The following PDE4D variants were observed in gnomAD, a reference collection of about 807,000 sequenced individuals.
PDE4D encodes 3',5'-cyclic-AMP phosphodiesterase 4D.
In PDE4D, 24 loss-of-function variants were observed where a neutral mutation model predicts 87.4. The ratio of observed to expected loss-of-function variants is 0.27; its 90% CI spans 0.20 to 0.39. The LOEUF is 0.39. Ranked by LOEUF, PDE4D falls within the 10% of genes least tolerant of loss-of-function variation. The pLI, the probability that PDE4D is intolerant of heterozygous loss-of-function variation, is 1.00. For missense variants in PDE4D, 714 were observed against 1,041.0 expected (o/e 0.69, Z 4.32); for synonymous variants, 384 against 383.2 (o/e 1.00, Z -0.02).
chr5:60,131,539 T>G (rs1350266344), intron 2 of PDE4D, among the ~76,000 whole-genome samples: 1 of 152,218 alleles, frequency 6.6e-6, no homozygotes, highest in Non-Finnish European at 1.5e-5. Context: ...ATTTCTCTTA[T>G]AATCCTGCTC....
At chr5:59,498,101 T>C (rs1405092906) in intron 1 of PDE4D, among the ~76,000 whole-genome samples, 1 of 151,640 alleles carries the variant, frequency 6.6e-6, no homozygotes, top group Non-Finnish European at 1.5e-5. Context: ...GAGAAATAAA[T>C]TCTTTCTCAG....
intron 1 of PDE4D, among the ~76,000 whole-genome samples, chr5:59,594,261 T>A (rs746416631): frequency 6.6e-6 from 1 of 151,860 alleles, no homozygotes; most frequent in Non-Finnish European, 1.5e-5. Flanking sequence ...CCACTGCCCC[T>A]TACCACACCA....
At chr5:60,230,228 A>T (rs1179401951) in intron 1 of PDE4D, among the ~76,000 whole-genome samples, 1 of 152,148 alleles carries the variant, frequency 6.6e-6, no homozygotes, top group Non-Finnish European at 1.5e-5. Context: ...TGAATCTAGA[A>T]ACTCTTTAAA....
At chr5:59,502,209 G>A (rs901953365) in intron 1 of PDE4D, among the ~76,000 whole-genome samples, 2 of 151,996 alleles carry the variant, frequency 1.3e-5, no homozygotes, top group African/African-American at 4.8e-5. Context: ...TAACTAATAG[G>A]TAGATTAAAC....
intron 1 of PDE4D, among the ~76,000 whole-genome samples, chr5:59,597,523 G>A (rs149209457): frequency 5.3e-5 from 8 of 152,034 alleles, no homozygotes; most frequent in African/African-American, 1.9e-4. Context: ...GTGAGAGAGA[G>A]AGAAAGAGAG....
intron 3 of PDE4D, among the ~76,000 whole-genome samples, chr5:59,952,960 T>C (rs989980348): frequency 1.3e-5 from 2 of 152,174 alleles, no homozygotes; most frequent in Non-Finnish European, 2.9e-5. Context: ...TAAAATATTA[T>C]TGTTTTAAGC....
At chr5:60,263,936 A>T (rs950135134) in intron 1 of PDE4D, among the ~76,000 whole-genome samples, 24 of 152,068 alleles carry the variant, frequency 1.6e-4, no homozygotes, top group Admixed American at 1.2e-3. Context: ...TACATGTGAA[A>T]AAATAATAAA....
intron 1 of PDE4D, among the ~76,000 whole-genome samples, chr5:60,373,009 C>T (rs1761158901): frequency 6.6e-6 from 1 of 152,190 alleles, no homozygotes; most frequent in Non-Finnish European, 1.5e-5. Flanking sequence ...CATTGACTAG[C>T]TCAATTATTA....
At chr5:60,245,801 G>A (rs1747691917) in intron 1 of PDE4D, among the ~76,000 whole-genome samples, 1 of 144,628 alleles carries the variant, frequency 6.9e-6, no homozygotes, top group South Asian at 2.1e-4. Flanking sequence ...AGGAGGGAGG[G>A]AAGTGGGGAT....
intron 1 of PDE4D, among the ~76,000 whole-genome samples, chr5:59,715,986 T>A (rs1360527153): frequency 6.6e-6 from 1 of 152,172 alleles, no homozygotes; most frequent in African/African-American, 2.4e-5. Flanking sequence ...CAGACCTGTG[T>A]GTCCAGGGCC....
intron 1 of PDE4D, among the ~76,000 whole-genome samples, chr5:60,484,301 G>C (rs1240659396): frequency 6.6e-6 from 1 of 152,004 alleles, no homozygotes; most frequent in Non-Finnish European, 1.5e-5. Flanking sequence ...CCAAATGTAG[G>C]CTGTGAAGGA....
At chr5:60,358,903 G>A (rs1050739795) in intron 1 of PDE4D, among the ~76,000 whole-genome samples, 3 of 152,164 alleles carry the variant, frequency 2.0e-5, no homozygotes, top group Admixed American at 6.5e-5. Context: ...AGGACAAACA[G>A]AAGCAAGTTT....
intron 1 of PDE4D, among the ~76,000 whole-genome samples, chr5:59,270,546 G>A (rs1338534072): frequency 6.6e-6 from 1 of 152,074 alleles, no homozygotes; most frequent in Non-Finnish European, 1.5e-5. Flanking sequence ...AAGACCAGAG[G>A]ACCTTATTTG....
intron 1 of PDE4D, among the ~76,000 whole-genome samples, chr5:59,852,860 G>A (rs866023526): frequency 6.6e-6 from 1 of 151,958 alleles, no homozygotes; most frequent in Non-Finnish European, 1.5e-5. Context: ...TATTTTAGGG[G>A]AGGTTTCCAG....
chr5:59,317,654 C>A (rs1773998030), intron 1 of PDE4D, among the ~76,000 whole-genome samples: 2 of 152,096 alleles, frequency 1.3e-5, no homozygotes, highest in Non-Finnish European at 2.9e-5. Flanking sequence ...ACCTGACTTG[C>A]CAGGCACACA....
intron 1 of PDE4D, among the ~76,000 whole-genome samples, chr5:59,767,361 A>C (rs1762930807): frequency 6.6e-6 from 1 of 152,028 alleles, no homozygotes; most frequent in South Asian, 2.1e-4. Flanking sequence ...TGTAACATAG[A>C]CCCTAGTACT....
chr5:60,505,836 T>C (rs1161959381), intron 1 of PDE4D, among the ~76,000 whole-genome samples: 1 of 152,238 alleles, frequency 6.6e-6, no homozygotes, highest in Non-Finnish European at 1.5e-5. Flanking sequence ...TCTGCATTCA[T>C]ACATATATAA....
chr5:60,254,229 G>C (rs1748790187), intron 1 of PDE4D, among the ~76,000 whole-genome samples: 1 of 151,902 alleles, frequency 6.6e-6, no homozygotes, highest in South Asian at 2.1e-4. Flanking sequence ...GGTTCAATCA[G>C]AGATGTTCAC....
chr5:60,462,588 T>C (rs1208720022), intron 1 of PDE4D, among the ~76,000 whole-genome samples: 1 of 151,914 alleles, frequency 6.6e-6, no homozygotes, highest in Non-Finnish European at 1.5e-5. Flanking sequence ...ATAAACGGAG[T>C]ATCTCAACCA....
Sources: gnomAD v4.1 joint callset for allele counts (sites outside exome capture counted in the v4.1 genomes callset) on GRCh38, gnomAD v4.1.1 for gene constraint, MANE v1.5 for transcripts, NCBI Gene and HGNC (gene_info 2026-07-23, HGNC 2026-07-21) for gene names.